PGBD2: variants seen among roughly 807,000 people sequenced by gnomAD.
The protein encoded by PGBD2 is piggyBac transposable element-derived protein 2.
PGBD2 carries 6 observed loss-of-function variants against 8.1 expected under a neutral mutation model. That is an observed-to-expected ratio of 0.74 (90% confidence interval 0.40 to 1.46). The LOEUF is 1.46. PGBD2 is among the 40% of genes most tolerant of loss of function. The probability of loss-of-function intolerance (pLI) is 0.02; values close to 1 mark genes in which losing one functional copy is unlikely to be tolerated. For missense variants in PGBD2, 802 were observed against 739.0 expected, an observed-to-expected ratio of 1.09 and a Z score of -0.99; for synonymous variants, 318 against 272.2, an observed-to-expected ratio of 1.17 and a Z score of -1.66.
At chr1:248,924,296 C>T (rs2103123070), downstream of PGBD2, among the ~76,000 whole-genome samples, 1 of 152,298 alleles carries the variant, frequency 6.6e-6, no homozygotes. Flanking sequence ...TGGCTTCCAG[C>T]ACGTGGCGTG....
downstream of PGBD2, among the ~76,000 whole-genome samples, chr1:248,923,042 C>T (rs1294797679): frequency 6.6e-6 from 1 of 152,142 alleles, no homozygotes; most frequent in African/African-American, 2.4e-5. Context: ...GTACCAGCTC[C>T]TGTTTGTACC....
At chr1:248,919,712 T>C (rs963191511), downstream of PGBD2, 2 of 166,482 alleles carry the variant, frequency 1.2e-5, no homozygotes, top group African/African-American at 4.8e-5. Context: ...ACCAGCAGTG[T>C]TCAAGGGTTC....
At chr1:248,887,096 T>C in the PGBD2 span, among the ~76,000 whole-genome samples, 4 of 151,792 alleles carry the variant, frequency 2.6e-5, no homozygotes, top group South Asian at 6.2e-4. Flanking sequence ...TTTAGACTTA[T>C]AGAAAAGTTA....
chr1:248,874,929 GA>G, the PGBD2 span, among the ~76,000 whole-genome samples: 1 of 150,424 alleles, frequency 6.6e-6, no homozygotes, highest in Non-Finnish European at 1.5e-5. Flanking sequence ...TAGATAGATA[GA>G]TAGATAGATA....
In PGBD2 at chr1:248,913,776, G is replaced by T. The variant is rs868726634; in HGVS notation, c.-47-40G>T. Reference sequence around the variant, plus strand: ...AAGATCCTGTTGCCTTGCTTCTTAAGATACAATTTTTTTTTAAATTGACTT... The same window carrying T: ...AAGATCCTGTTGCCTTGCTTCTTAATATACAATTTTTTTTTAAATTGACTT... On this transcript the variant is annotated intron_variant, in intron 1 of 2. Transcript: ENST00000329291. The T allele has an allele frequency of 5.1e-5, 54 of 1,062,270 alleles. No homozygotes were observed. The Middle Eastern group carries it at 1.2e-3, about 24-fold the overall frequency. The allele number at this position is 1,062,270 out of a possible 1,614,324, so 65.8% of individuals were successfully genotyped here.
At chr1:248,889,056 A>G in the PGBD2 span, among the ~76,000 whole-genome samples, 15 of 151,786 alleles carry the variant, frequency 9.9e-5, no homozygotes, top group Non-Finnish European at 1.9e-4. Context: ...ACTATGACTT[A>G]TAATAGCAAC....
chr1:248,928,041 C>A, the PGBD2 span, among the ~76,000 whole-genome samples: 2 of 152,106 alleles, frequency 1.3e-5, no homozygotes, highest in Non-Finnish European at 2.9e-5. Context: ...GTTTCGACTT[C>A]TTCCTCTGTT....
At chr1:248,890,599 A>G in the PGBD2 span, among the ~76,000 whole-genome samples, 1 of 151,940 alleles carries the variant, frequency 6.6e-6, no homozygotes, top group South Asian at 2.1e-4. Context: ...CACCCCACAC[A>G]CTACATGCAC....
At chr1:248,883,852 C>T in the PGBD2 span, among the ~76,000 whole-genome samples, 1 of 152,046 alleles carries the variant, frequency 6.6e-6, no homozygotes, top group Non-Finnish European at 1.5e-5. Context: ...CCGCCTCGGC[C>T]TCCCAAAGTG....
chr1:248,890,512 C>A, the PGBD2 span, among the ~76,000 whole-genome samples: 1 of 152,096 alleles, frequency 6.6e-6, no homozygotes, highest in South Asian at 2.1e-4. Flanking sequence ...TCTACACAAA[C>A]CATGTGGTCT....
chr1:248,928,022 A>G, the PGBD2 span, among the ~76,000 whole-genome samples: 1 of 152,056 alleles, frequency 6.6e-6, no homozygotes, highest in Admixed American at 6.5e-5. Flanking sequence ...AGTAGTCACA[A>G]CCCAGGGTGT....
chr1:248,927,402 G>C, the PGBD2 span, among the ~76,000 whole-genome samples: 1 of 152,222 alleles, frequency 6.6e-6, no homozygotes, highest in Non-Finnish European at 1.5e-5. Flanking sequence ...GATTGTGGTA[G>C]AGTTGTGATT....
the PGBD2 span, among the ~76,000 whole-genome samples, chr1:248,878,239 G>A: frequency 6.6e-6 from 1 of 151,842 alleles, no homozygotes; most frequent in Non-Finnish European, 1.5e-5. Context: ...GAGTGCAGGG[G>A]CGCAATCTCG....
In PGBD2 at chr1:248,916,620, A is replaced by G; in HGVS notation, c.36A>G (p.Arg12=). Residue 12 remains arginine, a synonymous_variant, in exon 3 of 3, where the codon AGA becomes AGG. Coordinates refer to ENST00000329291, the MANE Select transcript of PGBD2 (RefSeq NM_170725.3). The part of the protein sequence containing the change: ...ASTSRDVIAG[R]GIHSKVKSAK... ...ATAACAGAGATGTCATTGCTGGGAG[A>G]GGTATCCACTCAAAGGTGAAGTCTG... 1 of 1,613,848 alleles carries G rather than the reference A, an allele frequency of 6.2e-7. No homozygotes were observed. Among genetic ancestry groups the G allele is most frequent in the Non-Finnish European group, 8.5e-7 (1 of 1,179,918 alleles).
Position 248,917,819 on chromosome 1 carries a change from G to A in PGBD2, c.1235G>A (p.Arg412His), listed in dbSNP as rs761785662. The A allele has an allele frequency of 2.8e-5, 45 of 1,614,044 alleles. No homozygotes were observed. Among genetic ancestry groups the A allele is most frequent in the African/African-American group, 1.1e-4 (8 of 74,916 alleles). Residue 412 changes from arginine to histidine, a missense_variant, in exon 3 of 3, where the codon CGC (arginine) becomes CAC (histidine). Transcript: ENST00000329291. ...GAGAGTGAGGAGATCATCGTGTGCC[G>A]CTGGCACGATAGCAGCGTGGTCAAC... ...VDESEEIIVC[R>H]WHDSSVVNIC...
chr1:248,921,123 G>C (rs1662278021), downstream of PGBD2, among the ~76,000 whole-genome samples: 1 of 152,094 alleles, frequency 6.6e-6, no homozygotes. Context: ...TTATTTTGCT[G>C]TGCAGAAGCT....
chr1:248,918,203 G>C lies in PGBD2; in HGVS notation c.1619G>C (p.Arg540Pro). Residue 540 changes from arginine (R) to proline (P), a missense_variant, in exon 3 of 3, where the codon CGG becomes CCG. Arg to Pro is a moderately radical substitution (Grantham distance 103, BLOSUM62 -2). Coordinates refer to ENST00000329291, the MANE Select transcript of PGBD2 (RefSeq NM_170725.3). ...ACATCTCAAGGGAGGCGAAGCAGGC[G>C]GTTGGAGACTGAGAGCCGCTTCGAT... ...DTTSQGRRSR[R>P]LETESRFDMI... 6.2e-7 allele frequency: 1 copy of C among 1,614,148 alleles called. No individual in the cohort carries two copies. Among genetic ancestry groups the C allele is most frequent in the South Asian group, 1.1e-5 (1 of 91,086 alleles).
At chr1:248,897,488 T>C in the PGBD2 span, among the ~76,000 whole-genome samples, 108 of 152,228 alleles carry the variant, frequency 7.1e-4, no homozygotes, top group African/African-American at 2.5e-3. Context: ...CAAGTGCTAT[T>C]TCTTTACGGC....
At chr1:248,886,828 T>G in the PGBD2 span, among the ~76,000 whole-genome samples, 1 of 152,196 alleles carries the variant, frequency 6.6e-6, no homozygotes, top group Non-Finnish European at 1.5e-5. Context: ...AAAAGGAAAC[T>G]TTAAAAGCAT....
Sources: allele counts gnomAD v4.1 joint callset (sites outside exome capture counted in the v4.1 genomes callset), GRCh38; gene constraint gnomAD v4.1.1; transcripts MANE v1.5; gene names NCBI Gene and HGNC (gene_info 2026-07-23, HGNC 2026-07-21).